The following EIF4G3 variants were observed in gnomAD, a reference collection of about 807,000 sequenced individuals.
EIF4G3 encodes the protein eIF-4-gamma 3.
A neutral mutation model predicts 186.4 loss-of-function variants in EIF4G3; 34 were observed. The ratio of observed to expected loss-of-function variants is 0.18; its 90% CI spans 0.14 to 0.24. EIF4G3 has a LOEUF of 0.24. EIF4G3 is among the 10% of genes least tolerant of loss of function. EIF4G3 has a pLI of 1.00. For missense variants in EIF4G3, 1,536 were observed against 1,948.5 expected (o/e 0.79, Z 3.99); for synonymous variants, 673 against 679.5 (o/e 0.99, Z 0.15).
chr1:21,154,846 T>C (rs948484435), intron 2 of EIF4G3, among the ~76,000 whole-genome samples: 15 of 152,212 alleles, frequency 9.9e-5, no homozygotes, highest in Non-Finnish European at 2.1e-4. Context: ...ATTTTCACTA[T>C]TGTCTCATTA....
intron 2 of EIF4G3, among the ~76,000 whole-genome samples, chr1:21,131,792 G>A (rs1178378973): frequency 6.6e-6 from 1 of 152,058 alleles, no homozygotes; most frequent in Non-Finnish European, 1.5e-5. Flanking sequence ...AGCCAACATG[G>A]CAAAACCCAT....
chr1:21,168,104 ATTCAAGAAG>A, intron 2 of EIF4G3: 1 of 465,834 alleles, frequency 2.1e-6, no homozygotes, highest in South Asian at 1.6e-5. Flanking sequence ...GAATAAAACT[ATTCAAGAAG>A]TATCTCTTGG....
chr1:20,940,967 C>A (rs2095689398), intron 14 of EIF4G3, among the ~76,000 whole-genome samples: 1 of 152,138 alleles, frequency 6.6e-6, no homozygotes, highest in South Asian at 2.1e-4. Context: ...AGCTTACCTG[C>A]AAGTGAATCA....
Position 20,870,385 on chromosome 1 carries a change from T to C in EIF4G3, c.2623-5123A>G, listed in dbSNP as rs2078873979. 2.0e-5 allele frequency among the ~76,000 whole-genome samples: 3 copies of C among 152,288 alleles called. 1 individual carries two copies. Among genetic ancestry groups the C allele is most frequent in the Admixed American group, 2.0e-4 (3 of 15,300 alleles). ...CCATTCTTTGTAGCTGAGGTATGTA[T>C]GTCTCCCACAGCACAGACAAAAAGT... is the stretch of plus-strand genomic sequence containing the variant. On this transcript the variant is annotated intron_variant, in intron 20 of 36. Transcript: ENST00000602326.
intron 11 of EIF4G3, among the ~76,000 whole-genome samples, chr1:20,971,257 A>G (rs571528225): frequency 6.6e-6 from 1 of 152,354 alleles, no homozygotes; most frequent in East Asian, 1.9e-4. Context: ...CAAGGAATTC[A>G]CTAATGAAAC....
At chr1:20,973,185 T>C in intron 10 of EIF4G3, 86 bp from the exon 11 acceptor site, 1 of 1,005,780 alleles carries the variant, frequency 9.9e-7, no homozygotes, top group Non-Finnish European at 1.5e-6. Context: ...CTCTGCACAA[T>C]CCCCTTAAAA....
At chr1:20,885,726 C>G (rs1208463879) in intron 19 of EIF4G3, among the ~76,000 whole-genome samples, 1 of 152,144 alleles carries the variant, frequency 6.6e-6, no homozygotes, top group African/African-American at 2.4e-5. Context: ...AATTTATCCT[C>G]ATAGTTCTGA....
chr1:21,101,289 C>T (rs1030802295), intron 2 of EIF4G3, among the ~76,000 whole-genome samples: 3 of 151,800 alleles, frequency 2.0e-5, no homozygotes, highest in African/African-American at 4.8e-5. Context: ...GCAATAGGGC[C>T]GAGCACGGTG....
intron 11 of EIF4G3, 78 bp downstream of exon 11, chr1:20,972,924 A>G (rs1016109186): frequency 1.1e-5 from 13 of 1,190,662 alleles, no homozygotes; most frequent in Non-Finnish European, 1.5e-5. Context: ...ATTGAGATGA[A>G]TAATGACTAC....
chr1:20,895,324 G>A, intron 17 of EIF4G3, 44 bp downstream of exon 17: 2 of 1,591,028 alleles, frequency 1.3e-6, no homozygotes, highest in Non-Finnish European at 8.6e-7. Flanking sequence ...GTTAAAATCA[G>A]TTCCCACCAA....
chr1:20,986,665 C>T (rs748578524), intron 7 of EIF4G3, among the ~76,000 whole-genome samples: 7 of 134,262 alleles, frequency 5.2e-5, no homozygotes, highest in Non-Finnish European at 9.2e-5. Context: ...AGGAGAATGG[C>T]GTGAACCCGG....
intron 10 of EIF4G3, among the ~76,000 whole-genome samples, chr1:20,975,647 TATA>T (rs962892663): frequency 8.0e-5 from 12 of 149,744 alleles, no homozygotes; most frequent in Non-Finnish European, 1.8e-4. Context: ...ATATAATATT[TATA>T]ATAAGCTAGT....
intron 25 of EIF4G3, 82 bp from the exon 26 acceptor site, chr1:20,855,153 A>C: frequency 9.2e-7 from 1 of 1,085,030 alleles, no homozygotes; most frequent in Non-Finnish European, 1.3e-6. Flanking sequence ...TTCTTCAGTG[A>C]AGTAGAACCA....
chr1:20,846,876 T>C (rs1571557372), intron 29 of EIF4G3, among the ~76,000 whole-genome samples: 1 of 152,178 alleles, frequency 6.6e-6, no homozygotes, highest in African/African-American at 2.4e-5. Context: ...GTATATAAAA[T>C]ATAGGTATAA....
chr1:21,095,450 T>C lies in EIF4G3; in HGVS notation c.-271-6237A>G, dbSNP rs190958125. Among the ~76,000 whole-genome samples, 4 of 152,286 alleles carry C rather than the reference T, an allele frequency of 2.6e-5. No homozygotes were observed. The East Asian group carries it at 7.7e-4, about 29-fold the overall frequency. ...CCTCACTCACCAGAGTAGCTGGGAC[T>C]ACAGGTGTGTACCATCGTGCCCAGC... On this transcript the variant is annotated intron_variant, in intron 2 of 36. Coordinates refer to ENST00000602326, the MANE Select transcript of EIF4G3 (RefSeq NM_001391906.1).
chr1:21,135,061 G>T (rs1040099552), intron 2 of EIF4G3, among the ~76,000 whole-genome samples: 2 of 152,038 alleles, frequency 1.3e-5, no homozygotes, highest in East Asian at 1.9e-4. Flanking sequence ...AAAGAAATAC[G>T]TCCCACCACA....
At chr1:21,063,718 G>T (rs1176072147) in intron 3 of EIF4G3, among the ~76,000 whole-genome samples, 1 of 824 alleles carries the variant, frequency 1.2e-3, no homozygotes, top group Non-Finnish European at 8.5e-3. Context: ...GGGGGGGGGT[G>T]TTGGGGGGGG....
At chr1:20,811,724 G>C (rs1003556583) in intron 35 of EIF4G3, among the ~76,000 whole-genome samples, 2 of 152,122 alleles carry the variant, frequency 1.3e-5, no homozygotes, top group Non-Finnish European at 1.5e-5. Flanking sequence ...TAATTAATTT[G>C]ATTCAATCAT....
intron 20 of EIF4G3, among the ~76,000 whole-genome samples, chr1:20,868,149 CTTG>C (rs1304593841): frequency 1.7e-5 from 2 of 118,696 alleles, no homozygotes; most frequent in Non-Finnish European, 1.6e-5. Context: ...TAAGTGAGCA[CTTG>C]TTGTCTGCTG....
Sources: allele counts gnomAD v4.1 joint callset (sites outside exome capture counted in the v4.1 genomes callset), GRCh38; gene constraint gnomAD v4.1.1; transcripts MANE v1.5; gene names NCBI Gene and HGNC (gene_info 2026-07-23, HGNC 2026-07-21).